The following FAM83A variants were observed in gnomAD, a reference collection of about 807,000 sequenced individuals.
FAM83A encodes protein FAM83A.
Under a neutral mutation model 24.4 loss-of-function variants are expected in FAM83A, and 21 were observed. That is an observed-to-expected ratio of 0.86 (90% CI 0.61 to 1.24). The LOEUF (loss-of-function observed/expected upper bound fraction) is 1.24, where lower values mean the gene tolerates loss of function less well. Among genes scored for constraint, FAM83A ranks in the 50% most tolerant of loss-of-function variants. The pLI is 0.00. For synonymous variants in FAM83A, 270 were observed against 252.4 expected (o/e 1.07, Z -0.66); for missense variants, 617 against 579.8 (o/e 1.06, Z -0.66).
chr8:123,187,323 G>T lies in FAM83A; in HGVS notation c.480+3987G>T, dbSNP rs568299735. Reference sequence around the variant, plus strand: ...GGTCCCTGGGGCCCTTTCAGCGGCCGTAAGACCCTGCCCTTTCGAACCACT... The same window carrying T: ...GGTCCCTGGGGCCCTTTCAGCGGCCTTAAGACCCTGCCCTTTCGAACCACT... On this transcript the variant is annotated intron_variant, in intron 1 of 3. Transcript: ENST00000690554. Among the ~76,000 whole-genome samples the T allele has an allele frequency of 2.4e-3, 359 of 152,276 alleles. 6 individuals are homozygous for T. Among genetic ancestry groups the T allele is most frequent in the Non-Finnish European group, 7.9e-4 (54 of 68,028 alleles).
intron 3 of FAM83A, among the ~76,000 whole-genome samples, chr8:123,200,968 AAT>A (rs71310663): frequency 2.0e-4 from 28 of 138,950 alleles, no homozygotes; most frequent in Admixed American, 2.9e-4. Flanking sequence ...AAAAAAAAAA[AAT>A]ATATATATAT....
chr8:123,191,475 C>G (rs754466469), intron 1 of FAM83A, among the ~76,000 whole-genome samples: 1 of 152,154 alleles, frequency 6.6e-6, no homozygotes, highest in East Asian at 1.9e-4. Context: ...GGTTGAGATG[C>G]TTCTTCTTGT....
intron 2 of FAM83A, chr8:123,192,859 A>G (rs548314992): frequency 1.3e-5 from 2 of 152,418 alleles, no homozygotes; most frequent in African/African-American, 4.8e-5. Context: ...ACAGGTCAGA[A>G]GTGTCAGAAC....
At chr8:123,208,332 A>ACATC (rs1156996964) in exon 4 of FAM83A, 9 of 985,492 alleles carry the variant, frequency 9.1e-6, no homozygotes, top group Non-Finnish European at 1.1e-5. Flanking sequence ...GGATGCAGCT[A>ACATC]GCTGAGGAGT....
At chr8:123,181,080 G>C (rs1823586890), upstream of FAM83A, among the ~76,000 whole-genome samples, 1 of 152,118 alleles carries the variant, frequency 6.6e-6, no homozygotes, top group Non-Finnish European at 1.5e-5. Flanking sequence ...CCCAGTAGCT[G>C]GGACTACAGG....
chr8:123,182,092 G>A (rs566893390), upstream of FAM83A: 73 of 456,288 alleles, frequency 1.6e-4, 1 homozygote, highest in South Asian at 1.1e-3. Flanking sequence ...TCCAGACAGT[G>A]TTCCAAGAAG....
At chr8:123,187,079 T>C (rs901798241) in intron 1 of FAM83A, among the ~76,000 whole-genome samples, 2 of 151,896 alleles carry the variant, frequency 1.3e-5, no homozygotes, top group Admixed American at 1.3e-4. Context: ...AAAGGCTGAG[T>C]AAGCGTTTGC....
In FAM83A at chr8:123,209,335, A is replaced by C; in HGVS notation, c.*1647A>C. The C allele has an allele frequency of 6.9e-7, 1 of 1,442,422 alleles. No homozygotes were observed. Among genetic ancestry groups the C allele is most frequent in the Non-Finnish European group, 9.1e-7 (1 of 1,103,640 alleles). 89.4% of individuals were successfully genotyped at this position (1,442,422 alleles called of 1,614,324 possible). On this transcript the variant is annotated 3_prime_UTR_variant, in exon 4 of 4. Transcript: ENST00000690554. The surrounding 1 kb of genome is among the most constrained non-coding windows in gnomAD (Gnocchi z 4.7). ...GTTCCAATTCTCCACTGCTCCCAGC[A>C]TGATCTGGGGCATCTTGGCTTCTGG...
exon 4 of FAM83A, chr8:123,208,734 GC>G: frequency 1.0e-6 from 1 of 985,592 alleles, no homozygotes; most frequent in Non-Finnish European, 1.2e-6. Context: ...GGTGGCTCAT[GC>G]CTGTAATCCC....
At chr8:123,182,235 G>A, upstream of FAM83A, 1 of 409,620 alleles carries the variant, frequency 2.4e-6, no homozygotes, top group Non-Finnish European at 5.0e-6. Context: ...TGGGCACTTG[G>A]GTGTGACCAA....
chr8:123,179,494 G>A (rs1823544117), upstream of FAM83A: 2 of 152,202 alleles, frequency 1.3e-5, no homozygotes, highest in Admixed American at 1.3e-4. Flanking sequence ...GTGGCATCCT[G>A]TTAGAGCAGC....
chr8:123,183,872 T>C lies in FAM83A; in HGVS notation c.480+536T>C, dbSNP rs184689206. 1.5e-3 allele frequency among the ~76,000 whole-genome samples: 221 copies of C among 152,032 alleles called. 1 individual carries two copies. The highest frequency in any genetic ancestry group is 4.9e-3 in the African/African-American group (203 of 41,452). On this transcript the variant is annotated intron_variant, in intron 1 of 3. Coordinates refer to ENST00000690554, the Ensembl canonical transcript of FAM83A. ...CACCACGCCCAGTTGATTTTTGTAT[T>C]TTTAGTAGAGAAGAGGTTTCACCAT...
upstream of FAM83A, chr8:123,182,536 C>T (rs762049179): frequency 3.5e-5 from 19 of 545,248 alleles, no homozygotes; most frequent in Admixed American, 8.9e-5. Context: ...CCTTCGCCTC[C>T]CCCTGCGGCT....
intron 1 of FAM83A, among the ~76,000 whole-genome samples, chr8:123,190,419 T>C (rs7812683): frequency 0.18 from 27,404 of 150,766 alleles, 2,664 homozygotes; most frequent in Admixed American, 0.24. Flanking sequence ...GCACTACCAG[T>C]CCAGCTAATT....
intron 1 of FAM83A, among the ~76,000 whole-genome samples, chr8:123,184,460 C>T (rs1037363621): frequency 3.3e-5 from 5 of 152,130 alleles, no homozygotes. Flanking sequence ...GGGTTTCTCT[C>T]TCCCCAGAAT....
At chr8:123,187,922 G>A (rs577048618) in intron 1 of FAM83A, among the ~76,000 whole-genome samples, 30 of 151,956 alleles carry the variant, frequency 2.0e-4, no homozygotes, top group Middle Eastern at 6.8e-3. Context: ...GTGCAATGGC[G>A]CGATCTCAGC....
intron 1 of FAM83A, among the ~76,000 whole-genome samples, chr8:123,184,329 G>A (rs746098869): frequency 1.9e-4 from 29 of 152,160 alleles, no homozygotes; most frequent in Middle Eastern, 3.4e-3. Context: ...GGGCCACTCC[G>A]CTGGGCTCAC....
intron 2 of FAM83A, among the ~76,000 whole-genome samples, chr8:123,192,560 A>G (rs1181985016): frequency 1.3e-5 from 2 of 152,224 alleles, no homozygotes; most frequent in African/African-American, 4.8e-5. Context: ...AGGACAACTA[A>G]TTCAAATGTG....
chr8:123,185,030 T>C (rs772668906), intron 1 of FAM83A, among the ~76,000 whole-genome samples: 4 of 152,166 alleles, frequency 2.6e-5, no homozygotes, highest in Non-Finnish European at 5.9e-5. Context: ...TAGTCGAAGG[T>C]AACAACAGGT....
Sources: gnomAD v4.1 joint callset for allele counts (sites outside exome capture counted in the v4.1 genomes callset) on GRCh38, gnomAD v4.1.1 for gene constraint, Gnocchi (gnomAD v3.1) non-coding constraint, MANE v1.5 for transcripts, NCBI Gene and HGNC (gene_info 2026-07-23, HGNC 2026-07-21) for gene names.